EYS: variants seen among roughly 807,000 people sequenced by gnomAD.
The protein encoded by EYS is EGF-like photoreceptor maintenance factor.
A neutral mutation model predicts 282.1 loss-of-function variants in EYS; 250 were observed. That is an observed-to-expected ratio of 0.89 (90% CI 0.80 to 0.98). The LOEUF is 0.98. Ranked by LOEUF, EYS falls within the 50% of genes least tolerant of loss-of-function variation. The probability of loss-of-function intolerance (pLI) is 0.00; values close to 1 mark genes in which losing one functional copy is unlikely to be tolerated. For synonymous variants in EYS, 1,355 were observed against 1,282.9 expected, an observed-to-expected ratio of 1.06 and a Z score of -1.20; for missense variants, 4,016 against 3,709.0, an observed-to-expected ratio of 1.08 and a Z score of -2.15.
chr6:65,369,634 G>A (rs1765061423), intron 8 of EYS, among the ~76,000 whole-genome samples: 2 of 151,126 alleles, frequency 1.3e-5, no homozygotes, highest in Admixed American at 1.4e-4. Flanking sequence ...TTCCTCTAAG[G>A]AAGAATTTTT....
intron 22 of EYS, among the ~76,000 whole-genome samples, chr6:64,703,429 A>ATATATATTTTTTTTTT (rs869208549): frequency 2.0e-3 from 47 of 23,342 alleles, no homozygotes; most frequent in African/African-American, 2.4e-3. Flanking sequence ...ATATATATAT[A>ATATATATTTTTTTTTT]TTTTTTTTTT....
chr6:65,550,143 C>CTTTCTTTTTTTTTTTTTTTTTTTTTTTT (rs1562254227), intron 2 of EYS, among the ~76,000 whole-genome samples: 1 of 5,956 alleles, frequency 1.7e-4, no homozygotes, highest in African/African-American at 1.3e-3. Flanking sequence ...TCTACTATAT[C>CTTTCTTTTTTTTTTTTTTTTTTTTTTTT]TTTTTTTTTT....
intron 12 of EYS, among the ~76,000 whole-genome samples, chr6:65,148,138 A>G (rs1764523384): frequency 6.6e-6 from 1 of 151,996 alleles, no homozygotes; most frequent in Non-Finnish European, 1.5e-5. Flanking sequence ...CAAAACAAAA[A>G]CATGCATTCT....
At chr6:64,494,574 T>G (rs1435945054) in intron 26 of EYS, among the ~76,000 whole-genome samples, 1 of 139,704 alleles carries the variant, frequency 7.2e-6, no homozygotes, top group Non-Finnish European at 1.5e-5. Flanking sequence ...AATGGATTAA[T>G]GAGTGAGTGA....
At chr6:64,469,246 T>G (rs1776029948) in intron 26 of EYS, among the ~76,000 whole-genome samples, 1 of 152,198 alleles carries the variant, frequency 6.6e-6, no homozygotes, top group Non-Finnish European at 1.5e-5. Context: ...TCTAATAATC[T>G]GCTAAGCAAC....
At chr6:63,905,329 CTTT>C (rs377115720) in intron 35 of EYS, among the ~76,000 whole-genome samples, 4 of 118,278 alleles carry the variant, frequency 3.4e-5, no homozygotes, top group Admixed American at 9.2e-5. Context: ...CTTTTTTTTT[CTTT>C]TTTTTTTTTT....
In EYS at chr6:64,590,962, A is replaced by T; in HGVS notation, c.4905T>A (p.Ser1635Arg). 2 of 1,551,056 alleles carry T rather than the reference A, an allele frequency of 1.3e-6. No individual in the cohort carries two copies. The highest frequency in any genetic ancestry group is 1.7e-6 in the Non-Finnish European group (2 of 1,146,722). The change falls in exon 26 of 43, where the codon AGT becomes AGA. Residue 1635 changes from serine to arginine, a missense_variant. By Grantham distance (110) the Ser-to-Arg change is moderately radical. Coordinates refer to ENST00000503581, the MANE Select transcript of EYS (RefSeq NM_001142800.2). ...EVPSLFPSKK[S>R]AKRTILSSSL... ...ATGAGGATAAAATTGTTCTTTTTGCACTCTTTTTAGAAGGAAATAAAGATG... is the reference window on the plus strand; with the variant it reads ...ATGAGGATAAAATTGTTCTTTTTGCTCTCTTTTTAGAAGGAAATAAAGATG...
intron 33 of EYS, among the ~76,000 whole-genome samples, chr6:64,012,302 A>T (rs1015475794): frequency 3.5e-4 from 53 of 152,180 alleles, no homozygotes; most frequent in Non-Finnish European, 1.8e-4. Context: ...AGATAGAAAG[A>T]GGGTAAGTTC....
intron 31 of EYS, among the ~76,000 whole-genome samples, chr6:64,176,743 A>C (rs183260202): frequency 4.1e-4 from 62 of 152,132 alleles, no homozygotes; most frequent in Non-Finnish European, 1.6e-4. Context: ...TCTCAAAGTC[A>C]ATTTGTTTCT....
intron 28 of EYS, among the ~76,000 whole-genome samples, chr6:64,395,171 T>C (rs958635446): frequency 6.6e-6 from 1 of 152,170 alleles, no homozygotes; most frequent in South Asian, 2.1e-4. Flanking sequence ...GGAACACTTT[T>C]ACACTGTTGG....
chr6:65,536,157 A>G lies in EYS; in HGVS notation c.-332-40164T>C, dbSNP rs531111374. ...CACTAAATAGATAAATTTGAGAATC[A>G]TACGACTATAGAAGACAAGCAAAGC... On this transcript the variant is annotated intron_variant, in intron 2 of 42. Coordinates refer to ENST00000503581, the MANE Select transcript of EYS (RefSeq NM_001142800.2). 6.2e-4 allele frequency among the ~76,000 whole-genome samples: 94 copies of G among 152,210 alleles called. 1 individual carries two copies. Among genetic ancestry groups the G allele is most frequent in the African/African-American group, 1.9e-3 (80 of 41,554 alleles).
At chr6:65,403,588 A>G (rs1028662353) in intron 6 of EYS, among the ~76,000 whole-genome samples, 9 of 152,176 alleles carry the variant, frequency 5.9e-5, no homozygotes, top group Admixed American at 2.0e-4. Context: ...TAGCTTGCCC[A>G]ACCTCATACA....
rs150694963 is a variant in EYS at position 65,497,231 on chromosome 6, T to C, written c.-332-1238A>G. ...AGGATTCATCAATAATCAGTTGGAA[T>C]AGGGTATCAATGGAAGGAATTAAGA... On this transcript the variant is annotated intron_variant, in intron 2 of 42. Coordinates refer to ENST00000503581, the MANE Select transcript of EYS (RefSeq NM_001142800.2). Among the ~76,000 whole-genome samples, 78 of 152,114 alleles carry C rather than the reference T, an allele frequency of 5.1e-4. 1 individual carries two copies. Among genetic ancestry groups the C allele is most frequent in the African/African-American group, 1.7e-3 (69 of 41,544 alleles).
chr6:64,662,532 C>A (rs4995464), intron 22 of EYS, among the ~76,000 whole-genome samples: 144,877 of 152,216 alleles, frequency 0.95, 69,342 homozygotes, highest in East Asian at 1. Context: ...ATATGCATCT[C>A]ATCCAGCAAA....
intron 26 of EYS, among the ~76,000 whole-genome samples, chr6:64,474,920 A>G (rs1000106156): frequency 1.3e-5 from 2 of 152,202 alleles, no homozygotes; most frequent in Non-Finnish European, 2.9e-5. Flanking sequence ...AGGAGAGGAA[A>G]CACATCATTC....
chr6:63,937,397 T>G (rs1370085777), intron 35 of EYS, among the ~76,000 whole-genome samples: 12 of 112,282 alleles, frequency 1.1e-4, no homozygotes, highest in Non-Finnish European at 1.6e-4. Context: ...TTTTTTTTTT[T>G]TGAGACGGAG....
chr6:64,678,841 G>C (rs1583030880), intron 22 of EYS, among the ~76,000 whole-genome samples: 1 of 151,928 alleles, frequency 6.6e-6, no homozygotes, highest in Admixed American at 6.6e-5. Flanking sequence ...AAAACAATTA[G>C]CCGGGTTTGG....
At chr6:65,432,952 G>T (rs959453475) in intron 5 of EYS, among the ~76,000 whole-genome samples, 1 of 152,094 alleles carries the variant, frequency 6.6e-6, no homozygotes, top group African/African-American at 2.4e-5. Context: ...TTTAACCTTG[G>T]CCAACTGGGA....
chr6:65,419,435 A>G lies in EYS; in HGVS notation c.863-14068T>C, dbSNP rs544055226. 2.3e-3 allele frequency among the ~76,000 whole-genome samples: 356 copies of G among 152,078 alleles called. 3 individuals carry two copies. Among genetic ancestry groups the G allele is most frequent in the African/African-American group, 8.3e-3 (345 of 41,520 alleles). On this transcript the variant is annotated intron_variant, in intron 5 of 42. Coordinates refer to ENST00000503581, the MANE Select transcript of EYS (RefSeq NM_001142800.2). ...TATAGTGGTTGAAAACACCAATAAC[A>G]AAATATAATTTATCAAAAAAAAATC...
Sources: gnomAD v4.1 joint callset for allele counts (sites outside exome capture counted in the v4.1 genomes callset) on GRCh38, gnomAD v4.1.1 for gene constraint, MANE v1.5 for transcripts, NCBI Gene and HGNC (gene_info 2026-07-23, HGNC 2026-07-21) for gene names.